Variants in SBK1 observed in about 807,000 individuals in gnomAD.
SBK1 encodes SH3 domain binding kinase 1.
Under a neutral mutation model 24.4 loss-of-function variants are expected in SBK1, and 11 were observed. That is an observed-to-expected ratio of 0.45 (90% CI 0.28 to 0.75). The LOEUF is 0.75. Among genes scored for constraint, SBK1 ranks in the 30% least tolerant of loss-of-function variants. The probability of loss-of-function intolerance (pLI) is 0.12; values close to 1 mark genes in which losing one functional copy is unlikely to be tolerated. For missense variants in SBK1, 467 were observed against 620.5 expected (o/e 0.75, Z 2.63); for synonymous variants, 308 against 284.4 (o/e 1.08, Z -0.83).
Position 28,320,886 on chromosome 16 carries a change from G to C in SBK1, c.1240G>C (p.Val414Leu), listed in dbSNP as rs1381981616. 1 of 1,504,506 alleles carries C rather than the reference G, an allele frequency of 6.6e-7. No individual in the cohort carries two copies. The highest frequency in any genetic ancestry group is 2.0e-5 in the Admixed American group (1 of 51,108). 93.2% of individuals were successfully genotyped at this position (1,504,506 alleles called of 1,614,324 possible). The change falls in exon 4 of 4, where the codon GTG becomes CTG. Residue 414 changes from valine to leucine, a missense_variant. Around this residue, in one of 4 missense-constraint regions of SBK1, gnomAD observed 166 missense variants for 146.8 expected, o/e 1.13. Transcript: ENST00000341901. This position sits in a 1 kb window ranked among gnomAD's most constrained non-coding sequence, Gnocchi z 8.5. ...DGRADKSKGQ[V>L]VLATAIEICV ...CCGCGCGGACAAGAGCAAAGGGCAG[G>C]TGGTGCTGGCCACGGCCATCGAGAT... is the stretch of plus-strand genomic sequence containing the variant.
At chr16:28,280,992 T>G (rs1216944641) in intron 1 of SBK1, among the ~76,000 whole-genome samples, 2 of 152,118 alleles carry the variant, frequency 1.3e-5, no homozygotes, top group Non-Finnish European at 2.9e-5. Flanking sequence ...AACCAGACTC[T>G]GGGGGTAGCT....
At chr16:28,278,116 C>T (rs987237438) in intron 1 of SBK1, among the ~76,000 whole-genome samples, 1 of 152,278 alleles carries the variant, frequency 6.6e-6, no homozygotes, top group Non-Finnish European at 1.5e-5. Flanking sequence ...AGAGCAGCGT[C>T]CAGTGGGGAA....
chr16:28,287,077 A>G (rs2044569822), intron 1 of SBK1: 2 of 151,588 alleles, frequency 1.3e-5, no homozygotes. Context: ...CCTGGGGGAG[A>G]AGAGCAAGAC....
chr16:28,259,227 G>T (rs896549084), upstream of SBK1: 4 of 152,984 alleles, frequency 2.6e-5, no homozygotes, highest in African/African-American at 9.6e-5. The surrounding 1 kb of genome is among the most constrained non-coding windows in gnomAD (Gnocchi z 6.0). Flanking sequence ...CCACCGAGGC[G>T]ACGGGCAACC....
At chr16:28,287,235 G>GT (rs1286802395) in intron 1 of SBK1, among the ~76,000 whole-genome samples, 1 of 147,448 alleles carries the variant, frequency 6.8e-6, no homozygotes, top group East Asian at 2.0e-4. Context: ...AAAGTCAGGA[G>GT]TTTGAGACCA....
Position 28,320,274 on chromosome 16 carries a change from G to T in SBK1, c.628G>T (p.Gly210Cys). ...RVGCRVKRVS[G>C]TIPYTAPEVC... is the part of the protein sequence containing the mutation. ...GGGCTGCCGCGTCAAGCGCGTGAGC[G>T]GCACCATCCCTTACACGGCGCCTGA... The change falls in exon 4 of 4, where the codon GGC (glycine) becomes TGC (cysteine). Residue 210 changes from glycine to cysteine, a missense_variant. By Grantham distance (159) the Gly-to-Cys change is radical. Around this residue, in one of 4 missense-constraint regions of SBK1, gnomAD observed 92 missense variants for 193.8 expected, o/e 0.47. Transcript: ENST00000341901. This position sits in a 1 kb window ranked among gnomAD's most constrained non-coding sequence, Gnocchi z 8.5. The T allele has an allele frequency of 6.3e-7, 1 of 1,588,934 alleles. No homozygotes were observed. Among genetic ancestry groups the T allele is most frequent in the Non-Finnish European group, 8.5e-7 (1 of 1,172,974 alleles).
chr16:28,321,047 C>A lies in SBK1; in HGVS notation c.*126C>A. 1 of 895,084 alleles carries A rather than the reference C, an allele frequency of 1.1e-6. No homozygotes were observed. Among genetic ancestry groups the A allele is most frequent in the Non-Finnish European group, 1.5e-6 (1 of 669,118 alleles). The allele number at this position is 895,084 out of a possible 1,614,324, so 55.4% of individuals were successfully genotyped here. Reference sequence around the variant, plus strand: ...GGGCGCAGCGGTAGACTAGGCAGGACGCGGCCCGGCACCTGGTCCGTCCCC... The same window carrying A: ...GGGCGCAGCGGTAGACTAGGCAGGAAGCGGCCCGGCACCTGGTCCGTCCCC... On this transcript the variant is annotated 3_prime_UTR_variant, in exon 4 of 4. Coordinates refer to ENST00000341901, the MANE Select transcript of SBK1 (RefSeq NM_001024401.3).
chr16:28,282,845 G>C (rs769948669), intron 1 of SBK1, among the ~76,000 whole-genome samples: 2 of 152,154 alleles, frequency 1.3e-5, no homozygotes, highest in African/African-American at 4.8e-5. Flanking sequence ...CATACCCTGG[G>C]GTGCTGAGGA....
rs977628034 is a variant in SBK1, at chr16:28,259,519, G to A, written c.257+17G>A. On this transcript the variant is annotated intron_variant, in intron 1 of 3. Coordinates refer to the SBK1 transcript ENST00000671413. This position sits in a 1 kb window ranked among gnomAD's most constrained non-coding sequence, Gnocchi z 6.0. ...ATTGCGGAGGTCAGTGCTCGTGGGT[G>A]GCCAGTGGGTGGGCAGCAGGTGGGC... 8 of 944,588 alleles carry A rather than the reference G, an allele frequency of 8.5e-6. No homozygotes were observed. The highest frequency in any genetic ancestry group is 4.9e-5 in the South Asian group (1 of 20,552). 58.5% of individuals were successfully genotyped at this position (944,588 alleles called of 1,614,324 possible). A position where few individuals can be genotyped will look rare whatever the true frequency, so the allele number is the denominator to read the frequency against.
intron 1 of SBK1, among the ~76,000 whole-genome samples, chr16:28,260,746 C>T (rs1255441848): frequency 6.6e-6 from 1 of 152,168 alleles, no homozygotes; most frequent in Non-Finnish European, 1.5e-5. Context: ...GAACCTGGCT[C>T]ACAGGGTCAC....
chr16:28,284,436 C>T (rs1034772243), intron 1 of SBK1, among the ~76,000 whole-genome samples: 6 of 152,194 alleles, frequency 3.9e-5, no homozygotes, highest in African/African-American at 9.6e-5. Flanking sequence ...TGGGCATGGG[C>T]GGGGTCAGGA....
In SBK1 at chr16:28,320,769, TTGCCCGTGCCGGTGCCGGTGCCAG is replaced by T. The variant is rs765002802; in HGVS notation, c.1140_1163del (p.Val383_Pro390del). On this transcript the variant is annotated inframe_deletion, in exon 4 of 4. Coordinates refer to ENST00000341901, the MANE Select transcript of SBK1 (RefSeq NM_001024401.3). The surrounding 1 kb of genome is among the most constrained non-coding windows in gnomAD (Gnocchi z 8.5). ...GCCCCCCGCCGTCGGGTCGGTGCCC[TTGCCCGTGCCGGTGCCGGTGCCAG>T]TGCCCGTGCCGGTGCCTGTGCCCGA... is the stretch of plus-strand genomic sequence containing the variant. The T allele has an allele frequency of 4.4e-4, 612 of 1,392,234 alleles. 1 individual carries two copies. The East Asian group carries it at 0.013, about 30-fold the overall frequency. 86.2% of individuals were successfully genotyped at this position (1,392,234 alleles called of 1,614,324 possible). A position where few individuals can be genotyped will look rare whatever the true frequency, so the allele number is the denominator to read the frequency against.
intron 1 of SBK1, among the ~76,000 whole-genome samples, chr16:28,310,219 C>CA (rs765765399): frequency 7.2e-5 from 11 of 152,226 alleles, no homozygotes; most frequent in Non-Finnish European, 1.3e-4. Flanking sequence ...GCCCTTCCTC[C>CA]ACCCTCTTGA....
rs547904803 is a variant in SBK1 at position 28,317,956 on chromosome 16, G to A, written c.226+339G>A. Among the ~76,000 whole-genome samples, 8 of 152,212 alleles carry A rather than the reference G, an allele frequency of 5.3e-5. No individual in the cohort carries two copies. Among genetic ancestry groups the A allele is most frequent in the African/African-American group, 1.4e-4 (6 of 41,522 alleles). On this transcript the variant is annotated intron_variant, in intron 2 of 3. Coordinates refer to ENST00000341901, the MANE Select transcript of SBK1 (RefSeq NM_001024401.3). The surrounding 1 kb of genome is among the most constrained non-coding windows in gnomAD (Gnocchi z 4.2). ...CCGGCTGTGTCTGAGTATCACCAGC[G>A]TCTCAGGGATGTCTGGCCCCAGGAA...
At chr16:28,315,632 A>G (rs2044789224) in intron 1 of SBK1, among the ~76,000 whole-genome samples, 1 of 152,156 alleles carries the variant, frequency 6.6e-6, no homozygotes, top group Non-Finnish European at 1.5e-5. Context: ...GTGGTGGCGC[A>G]TGCTTGCAGT....
chr16:28,313,496 GCT>G (rs1383707278), intron 1 of SBK1, among the ~76,000 whole-genome samples: 11 of 151,660 alleles, frequency 7.3e-5, no homozygotes, highest in Admixed American at 7.2e-4. Flanking sequence ...TACTCAGGAG[GCT>G]GAGATGGGAA....
rs554298619 is a variant in SBK1, at chr16:28,318,893, T to C, written c.227-102T>C. The C allele has an allele frequency of 3.7e-4, 316 of 843,400 alleles. 1 individual carries two copies. The African/African-American group carries it at 4.3e-3, about 12-fold the overall frequency. The allele number at this position is 843,400 out of a possible 1,614,324, so 52.2% of individuals were successfully genotyped here. A position where few individuals can be genotyped will look rare whatever the true frequency, so the allele number is the denominator to read the frequency against. ...GTGAGATGAGGACAGTCATGCCTGCTGGGGACCCTGTTGCACCAGGGTCCA... is the reference window on the plus strand; with the variant it reads ...GTGAGATGAGGACAGTCATGCCTGCCGGGGACCCTGTTGCACCAGGGTCCA... On this transcript the variant is annotated intron_variant, in intron 2 of 3. Coordinates refer to ENST00000341901, the MANE Select transcript of SBK1 (RefSeq NM_001024401.3).
intron 1 of SBK1, among the ~76,000 whole-genome samples, chr16:28,264,307 C>A (rs1275509331): frequency 6.6e-6 from 1 of 151,842 alleles, no homozygotes; most frequent in Non-Finnish European, 1.5e-5. Context: ...AGAATACAGG[C>A]TCACGCCTGT....
intron 1 of SBK1, among the ~76,000 whole-genome samples, chr16:28,295,611 G>A (rs955155994): frequency 2.0e-5 from 3 of 152,122 alleles, no homozygotes; most frequent in Non-Finnish European, 4.4e-5. Context: ...AGAGCCCAGC[G>A]TATGGTAGGG....
Sources: allele counts gnomAD v4.1 joint callset (sites outside exome capture counted in the v4.1 genomes callset), GRCh38; gene constraint gnomAD v4.1.1; regional missense constraint gnomAD v4.1.1; non-coding constraint Gnocchi (gnomAD v3.1); transcripts MANE v1.5; gene names NCBI Gene and HGNC (gene_info 2026-07-23, HGNC 2026-07-21).